HS2ST1: variants seen among roughly 807,000 people sequenced by gnomAD.
HS2ST1 encodes the protein heparan sulfate 2-O-sulfotransferase 1.
HS2ST1 carries 18 observed loss-of-function variants against 42.9 expected under a neutral mutation model. The observed-to-expected ratio is 0.42, with a 90% CI of 0.29 to 0.62. The LOEUF (loss-of-function observed/expected upper bound fraction) is 0.62, where lower values mean the gene tolerates loss of function less well. Ranked by LOEUF, HS2ST1 falls within the 20% of genes least tolerant of loss-of-function variation. The pLI, the probability that HS2ST1 is intolerant of heterozygous loss-of-function variation, is 0.21. For missense variants in HS2ST1, 334 were observed against 433.8 expected (o/e 0.77, Z 2.04); for synonymous variants, 146 against 152.9 (o/e 0.95, Z 0.33).
At chr1:86,954,087 C>T (rs974065728) in intron 1 of HS2ST1, among the ~76,000 whole-genome samples, 15 of 146,818 alleles carry the variant, frequency 1.0e-4, no homozygotes, top group African/African-American at 3.5e-4. Flanking sequence ...CTTGGTGGCT[C>T]ACGCCTCTAA....
At chr1:87,018,326 T>A (rs1649823318) in intron 1 of HS2ST1, among the ~76,000 whole-genome samples, 1 of 152,190 alleles carries the variant, frequency 6.6e-6, no homozygotes. Context: ...GAAGGGAGCT[T>A]CTTTACTAGT....
chr1:87,072,994 C>A lies in HS2ST1; in HGVS notation c.185C>A (p.Pro62His). Residue 62 changes from proline (P) to histidine (H), a missense_variant, in exon 2 of 7, where the codon CCT becomes CAT. Physicochemically the swap from Pro to His is moderately conservative, Grantham distance 77. Coordinates refer to ENST00000370550, the MANE Select transcript of HS2ST1 (RefSeq NM_012262.4). ...EIEQRHTMDG[P>H]RQDATLDEEE... Reference sequence around the variant, plus strand: ...GAGCAGCGACATACAATGGATGGCCCTCGGCAAGATGCCACTTTAGATGAG... The same window carrying A: ...GAGCAGCGACATACAATGGATGGCCATCGGCAAGATGCCACTTTAGATGAG... 2.5e-6 allele frequency: 4 copies of A among 1,614,058 alleles called. No homozygotes were observed. The African/African-American group carries it at 4.0e-5, about 16-fold the overall frequency.
chr1:86,983,738 TAA>T (rs35342652), intron 1 of HS2ST1, among the ~76,000 whole-genome samples: 1 of 146,174 alleles, frequency 6.8e-6, no homozygotes, highest in Admixed American at 6.8e-5. Flanking sequence ...GGTGCTTATT[TAA>T]AAAAAAAAAA....
chr1:87,033,700 G>A lies in HS2ST1; in HGVS notation c.125-39234G>A, dbSNP rs549870978. Reference sequence around the variant, plus strand: ...TTGGATTACAGGCGCCTGCCACCACGTCCAGCTGATTTTTGTATTTTTAGT... The same window carrying A: ...TTGGATTACAGGCGCCTGCCACCACATCCAGCTGATTTTTGTATTTTTAGT... On this transcript the variant is annotated intron_variant, in intron 1 of 6. Transcript: ENST00000370550. Among the ~76,000 whole-genome samples the A allele has an allele frequency of 3.1e-4, 47 of 152,012 alleles. No homozygotes were observed. In the South Asian group the frequency reaches 5.6e-3, roughly 18 times the overall value.
chr1:87,011,084 C>G (rs1402144632), intron 1 of HS2ST1, among the ~76,000 whole-genome samples: 2 of 152,086 alleles, frequency 1.3e-5, no homozygotes, highest in Admixed American at 6.5e-5. Context: ...CTGTGCCTGG[C>G]CTCTTCACAT....
intron 1 of HS2ST1, among the ~76,000 whole-genome samples, chr1:86,929,656 A>G (rs1660500050): frequency 6.6e-6 from 1 of 151,842 alleles, no homozygotes; most frequent in Admixed American, 6.6e-5. Context: ...GTGCGTATAC[A>G]TATATAAAAT....
At chr1:87,000,831 G>T (rs1415885169) in intron 1 of HS2ST1, among the ~76,000 whole-genome samples, 1 of 152,156 alleles carries the variant, frequency 6.6e-6, no homozygotes, top group African/African-American at 2.4e-5. Context: ...TGTTTTCTGG[G>T]TTATAACTAC....
At chr1:86,987,714 C>T (rs544775745) in intron 1 of HS2ST1, among the ~76,000 whole-genome samples, 56 of 152,326 alleles carry the variant, frequency 3.7e-4, no homozygotes, top group Non-Finnish European at 6.9e-4. Context: ...TAGTCTGTCT[C>T]TATTCACTTT....
At chr1:87,033,455 A>T (rs1360488087) in intron 1 of HS2ST1, among the ~76,000 whole-genome samples, 1 of 152,214 alleles carries the variant, frequency 6.6e-6, no homozygotes, top group Non-Finnish European at 1.5e-5. Flanking sequence ...AAATGCCTTC[A>T]CAGCAGCTCC....
In HS2ST1 at chr1:87,049,766, A is replaced by G. The variant is rs376748401; in HGVS notation, c.125-23168A>G. ...TGGATGGAGTGGTCTCTAAATGCCA[A>G]TTGGCTAATTAGTTGATGATATTGT... On this transcript the variant is annotated intron_variant, in intron 1 of 6. Coordinates refer to ENST00000370550, the MANE Select transcript of HS2ST1 (RefSeq NM_012262.4). 1.3e-3 allele frequency among the ~76,000 whole-genome samples: 201 copies of G among 152,176 alleles called. 4 individuals are homozygous for G. In the South Asian group the frequency reaches 0.039, roughly 29 times the overall value.
intron 1 of HS2ST1, among the ~76,000 whole-genome samples, chr1:86,916,228 A>C (rs951614750): frequency 6.6e-6 from 1 of 152,222 alleles, no homozygotes; most frequent in Non-Finnish European, 1.5e-5. Context: ...AATCAGCTCA[A>C]GAGGATGTAA....
At chr1:87,072,830 TG>T in intron 1 of HS2ST1, 103 bp from the exon 2 acceptor site, 1 of 809,578 alleles carries the variant, frequency 1.2e-6, no homozygotes, top group Non-Finnish European at 2.0e-6. Context: ...TTTTGTTTTT[TG>T]TTTTCTTTTT....
intron 1 of HS2ST1, among the ~76,000 whole-genome samples, chr1:86,976,499 T>G (rs1374510782): frequency 6.6e-6 from 1 of 151,876 alleles, no homozygotes; most frequent in Non-Finnish European, 1.5e-5. Context: ...TAATTAGAAT[T>G]GATTTTTTTC....
At chr1:87,055,901 T>G (rs1053399536) in intron 1 of HS2ST1, among the ~76,000 whole-genome samples, 1 of 152,214 alleles carries the variant, frequency 6.6e-6, no homozygotes, top group African/African-American at 2.4e-5. Flanking sequence ...TTTGTGTATG[T>G]CCTTAATATT....
chr1:87,102,009 A>G (rs557229405), intron 5 of HS2ST1, among the ~76,000 whole-genome samples: 1 of 152,296 alleles, frequency 6.6e-6, no homozygotes, highest in South Asian at 2.1e-4. Flanking sequence ...TCATATGGCA[A>G]GAGTGGGAGA....
chr1:87,041,121 TAAAGGGGAGAAGGAGA>T, intron 1 of HS2ST1, among the ~76,000 whole-genome samples: 1 of 151,566 alleles, frequency 6.6e-6, no homozygotes, highest in South Asian at 2.1e-4. Flanking sequence ...GTTTACTTTT[TAAAGGGGAGAAGGAGA>T]AAAGGGGAGA....
At chr1:86,923,289 AC>A (rs1185959239) in intron 1 of HS2ST1, among the ~76,000 whole-genome samples, 3 of 152,184 alleles carry the variant, frequency 2.0e-5, no homozygotes, top group African/African-American at 7.2e-5. Context: ...AATTGGACTT[AC>A]AGTTCACATG....
intron 1 of HS2ST1, among the ~76,000 whole-genome samples, chr1:86,963,599 C>T (rs923831647): frequency 1.1e-4 from 17 of 152,304 alleles, no homozygotes; most frequent in African/African-American, 3.8e-4. Flanking sequence ...TATCTTTTCC[C>T]CACGTTTCCC....
intron 1 of HS2ST1, among the ~76,000 whole-genome samples, chr1:87,017,202 T>A (rs576364619): frequency 1.3e-5 from 2 of 152,282 alleles, no homozygotes; most frequent in South Asian, 4.1e-4. Flanking sequence ...AGTGGTGCCA[T>A]CTCGGCTCAC....
Sources: gnomAD v4.1 joint callset for allele counts (sites outside exome capture counted in the v4.1 genomes callset) on GRCh38, gnomAD v4.1.1 for gene constraint, MANE v1.5 for transcripts, NCBI Gene and HGNC (gene_info 2026-07-23, HGNC 2026-07-21) for gene names.